The following CCDC18 variants were observed in gnomAD, a reference collection of about 807,000 sequenced individuals.
CCDC18 encodes the protein coiled-coil domain-containing protein 18.
Under a neutral mutation model 196.0 loss-of-function variants are expected in CCDC18, and 157 were observed. That is an observed-to-expected ratio of 0.80 (90% CI 0.70 to 0.91). CCDC18 has a LOEUF of 0.91. Ranked by LOEUF, CCDC18 falls within the 40% of genes least tolerant of loss-of-function variation. The probability of loss-of-function intolerance (pLI) is 0.00; values close to 1 mark genes in which losing one functional copy is unlikely to be tolerated. For synonymous variants in CCDC18, 482 were observed against 529.2 expected, an observed-to-expected ratio of 0.91 and a Z score of 1.22; for missense variants, 1,465 against 1,611.6, an observed-to-expected ratio of 0.91 and a Z score of 1.56.
rs1325283268 is a variant in CCDC18, at chr1:93,239,362, A to G, written c.2656A>G (p.Lys886Glu). 3.1e-6 allele frequency: 5 copies of G among 1,613,320 alleles called. No individual in the cohort carries two copies. In the African/African-American group the frequency reaches 6.7e-5, roughly 22 times the overall value. ...QYKEELSKME[K>E]EIMHLKRDGE... is the part of the protein sequence containing the mutation. ...CAAAGAAGAGCTGTCTAAAATGGAA[A>G]AGGAAATAATGCACCTAAAACGAGA... The change falls in exon 20 of 29, where the codon AAG becomes GAG. Residue 886 changes from lysine (K) to glutamate (E), a missense_variant. Transcript: ENST00000690025.
intron 23 of CCDC18, 31 bp from the exon 24 acceptor site, chr1:93,254,440 T>C (rs757305535): frequency 1.4e-6 from 2 of 1,475,514 alleles, no homozygotes; most frequent in African/African-American, 1.4e-5. Context: ...TCATTAATTT[T>C]ACTGATACTG....
rs71094240 is a variant in CCDC18 at position 93,197,745 on chromosome 1, C to CTT, written c.698+4024_698+4025dup. 6.4e-3 allele frequency among the ~76,000 whole-genome samples: 485 copies of CTT among 76,002 alleles called. 12 individuals are homozygous for CTT. Among genetic ancestry groups the CTT allele is most frequent in the African/African-American group, 0.014 (275 of 19,512 alleles). 49.9% of individuals were successfully genotyped at this position (76,002 alleles called of 152,430 possible). ...AACTCTCCTGCATTTCTTTTCTTTT[C>CTT]TTTTTTTTTTTTTTTTTTTTTTTTG... On this transcript the variant is annotated intron_variant, in intron 6 of 28. Transcript: ENST00000690025.
chr1:93,246,219 A>T lies in CCDC18; in HGVS notation c.3081+15A>T. ...GAGCAGCTCAGGTTGATTTTTCTTG[A>T]TTATATTTTAATGGAGTTTTCTGTT... is the stretch of plus-strand genomic sequence containing the variant. On this transcript the variant is annotated intron_variant, in intron 22 of 28. Coordinates refer to ENST00000690025, the MANE Select transcript of CCDC18 (RefSeq NM_001378204.1). The T allele has an allele frequency of 6.4e-7, 1 of 1,559,918 alleles. No homozygotes were observed. The highest frequency in any genetic ancestry group is 1.9e-5 in the Admixed American group (1 of 53,988).
In CCDC18 at chr1:93,258,807, T is replaced by C; in HGVS notation, c.3606T>C (p.His1202=). The C allele has an allele frequency of 6.3e-7, 1 of 1,597,146 alleles. No individual in the cohort carries two copies. The highest frequency in any genetic ancestry group is 8.5e-7 in the Non-Finnish European group (1 of 1,172,276). ...GGGCTTCTAAAGTACGTGAAGCTCA[T>C]TTAGAAGCAAGAATGCAAGCAGAAA... ...ELGASKVREA[H]LEARMQAEIK... is the part of the protein sequence containing the mutation. The change falls in exon 26 of 29, where the codon CAT becomes CAC. Residue 1202 remains histidine, a synonymous_variant. Coordinates refer to ENST00000690025, the MANE Select transcript of CCDC18 (RefSeq NM_001378204.1).
At position 93,211,029 on chromosome 1, in the gene CCDC18, C is replaced by A. The variant is rs1437695520; in HGVS notation, c.1334+103C>A. 8 of 1,176,658 alleles carry A rather than the reference C, an allele frequency of 6.8e-6. No homozygotes were observed. In the African/African-American group the frequency reaches 7.6e-5, roughly 11 times the overall value. 72.9% of individuals were successfully genotyped at this position (1,176,658 alleles called of 1,614,324 possible). A position where few individuals can be genotyped will look rare whatever the true frequency, so the allele number is the denominator to read the frequency against. The stretch of plus-strand genomic sequence containing the variant: ...TGGTGGCTCATGCCTGTAATCCCAA[C>A]ACTTTGGGAGGCTGAGGCAGGCGGA... On this transcript the variant is annotated intron_variant, in intron 10 of 28. Coordinates refer to ENST00000690025, the MANE Select transcript of CCDC18 (RefSeq NM_001378204.1).
At chr1:93,210,288 C>G (rs1415502388) in intron 9 of CCDC18, among the ~76,000 whole-genome samples, 1 of 152,132 alleles carries the variant, frequency 6.6e-6, no homozygotes, top group Non-Finnish European at 1.5e-5. Flanking sequence ...GGTGCATATG[C>G]TAGTGTAGCA....
intron 26 of CCDC18, among the ~76,000 whole-genome samples, chr1:93,261,219 A>G (rs1407531641): frequency 6.6e-6 from 1 of 152,154 alleles, no homozygotes; most frequent in Non-Finnish European, 1.5e-5. Context: ...TTGTCAGAAA[A>G]TCACTTAATA....
chr1:93,236,814 T>C (rs1660131269), intron 19 of CCDC18, among the ~76,000 whole-genome samples: 1 of 152,208 alleles, frequency 6.6e-6, no homozygotes, highest in African/African-American at 2.4e-5. Flanking sequence ...TTCTCAGCCT[T>C]GAGTGAATAT....
upstream of CCDC18, chr1:93,179,995 G>C (rs534740152): frequency 1.8e-5 from 27 of 1,531,798 alleles, no homozygotes; most frequent in African/African-American, 2.9e-4. Context: ...ACGGGTGAGA[G>C]GCGACAACGC....
Position 93,258,940 on chromosome 1 carries a change from C to G in CCDC18, c.3684+55C>G, listed in dbSNP as rs202182630. ...TGCCCACTAAAGTAGGTTGACCTATCTGGACAAAAGTATGAGTCCAGCTCT... is the reference window on the plus strand; with the variant it reads ...TGCCCACTAAAGTAGGTTGACCTATGTGGACAAAAGTATGAGTCCAGCTCT... On this transcript the variant is annotated intron_variant, in intron 26 of 28. Coordinates refer to ENST00000690025, the MANE Select transcript of CCDC18 (RefSeq NM_001378204.1). 1.4e-5 allele frequency: 21 copies of G among 1,470,676 alleles called. No homozygotes were observed. In the East Asian group the frequency reaches 3.4e-4, roughly 24 times the overall value. 91.1% of individuals were successfully genotyped at this position (1,470,676 alleles called of 1,614,324 possible).
intron 1 of CCDC18, among the ~76,000 whole-genome samples, chr1:93,181,151 T>C (rs1321372680): frequency 1.3e-4 from 10 of 79,952 alleles, no homozygotes; most frequent in African/African-American, 4.4e-4. Context: ...CCACTGTCTC[T>C]ATAAAATTAA....
intron 4 of CCDC18, chr1:93,191,159 A>G (rs191245728): frequency 7.8e-4 from 358 of 461,784 alleles, no homozygotes; most frequent in Non-Finnish European, 1.3e-3. Flanking sequence ...CTGTGGGATA[A>G]CCCAAAATGA....
intron 9 of CCDC18, among the ~76,000 whole-genome samples, chr1:93,208,760 G>A (rs1182384922): frequency 2.0e-5 from 3 of 152,024 alleles, no homozygotes; most frequent in East Asian, 1.9e-4. Flanking sequence ...TCTGCCTCCC[G>A]GATTCAAGCG....
chr1:93,208,665 TA>T (rs773543437), intron 9 of CCDC18, among the ~76,000 whole-genome samples: 10 of 151,574 alleles, frequency 6.6e-5, no homozygotes, highest in Non-Finnish European at 1.3e-4. Flanking sequence ...GCATAGAACT[TA>T]AAATTTTTTT....
chr1:93,226,159 G>T (rs560498010), intron 16 of CCDC18, among the ~76,000 whole-genome samples, 174 bp from the exon 17 acceptor site: 10 of 152,050 alleles, frequency 6.6e-5, no homozygotes, highest in African/African-American at 2.2e-4. Context: ...TTCCTCATTT[G>T]CAATGAAGAA....
In CCDC18 at chr1:93,236,359, C is replaced by T. The variant is rs1176204910; in HGVS notation, c.2572C>T (p.Gln858Ter). The change falls in exon 19 of 29, where the codon CAA becomes TAA. Residue 858 changes from glutamine to a stop codon, truncating the protein, a stop_gained. Transcript: ENST00000690025. LOFTEE classifies it high-confidence loss of function. ...TGCACATGAAGCAGATTTGAAAAGG[C>T]AAAAAGTGATTGAGCTTACTGGCAC... The part of the protein sequence containing the change: ...SAAHEADLKR[Q>*]KVIELTGTAR... 6.3e-7 allele frequency: 1 copy of T among 1,588,792 alleles called. No individual in the cohort carries two copies. The highest frequency in any genetic ancestry group is 1.7e-4 in the Middle Eastern group (1 of 5,984).
At position 93,256,355 on chromosome 1, in the gene CCDC18, G is replaced by C; in HGVS notation, c.3363G>C (p.Gln1121His). The C allele has an allele frequency of 6.2e-7, 1 of 1,614,056 alleles. No individual in the cohort carries two copies. The highest frequency in any genetic ancestry group is 8.5e-7 in the Non-Finnish European group (1 of 1,179,962). The change falls in exon 25 of 29, where the codon CAG (glutamine) becomes CAC (histidine). Residue 1121 changes from glutamine (Q) to histidine (H), a missense_variant. Coordinates refer to ENST00000690025, the MANE Select transcript of CCDC18 (RefSeq NM_001378204.1). ...EMESVMKEQE[Q>H]YIATQYKEAI... ...TTCAGGTTATGAAAGAGCAAGAACA[G>C]TACATTGCCACTCAGTACAAGGAGG...
At chr1:93,276,007 A>G (rs1339903517) in intron 28 of CCDC18, among the ~76,000 whole-genome samples, 1 of 152,272 alleles carries the variant, frequency 6.6e-6, no homozygotes, top group Non-Finnish European at 1.5e-5. Flanking sequence ...TTGACTCATC[A>G]GCTGATTCGT....
intron 5 of CCDC18, among the ~76,000 whole-genome samples, chr1:93,192,702 T>C (rs545148681): frequency 6.6e-6 from 1 of 152,262 alleles, no homozygotes; most frequent in Non-Finnish European, 1.5e-5. Context: ...CCTCCCAAAG[T>C]GTTGGGATTG....
Sources: allele counts gnomAD v4.1 joint callset (sites outside exome capture counted in the v4.1 genomes callset), GRCh38; gene constraint gnomAD v4.1.1; transcripts MANE v1.5; gene names NCBI Gene and HGNC (gene_info 2026-07-23, HGNC 2026-07-21).